Variants in LOXL2 observed in about 807,000 individuals in gnomAD.
LOXL2 encodes lysyl oxidase like 2.
In LOXL2, 70 loss-of-function variants were observed where a neutral mutation model predicts 93.0. That is an observed-to-expected ratio of 0.75 (90% CI 0.62 to 0.92). The LOEUF is 0.92. Ranked by LOEUF, LOXL2 falls within the 40% of genes least tolerant of loss-of-function variation. The probability of loss-of-function intolerance (pLI) is 0.00; values close to 1 mark genes in which losing one functional copy is unlikely to be tolerated. For synonymous variants in LOXL2, 438 were observed against 413.2 expected, an observed-to-expected ratio of 1.06 and a Z score of -0.73; for missense variants, 973 against 1,054.9, an observed-to-expected ratio of 0.92 and a Z score of 1.08.
intron 3 of LOXL2, among the ~76,000 whole-genome samples, chr8:23,343,133 T>C (rs1472969518): frequency 6.6e-6 from 1 of 152,224 alleles, no homozygotes; most frequent in African/African-American, 2.4e-5. Flanking sequence ...CAAGATGCTC[T>C]CGGCCATTCA....
intron 6 of LOXL2, among the ~76,000 whole-genome samples, chr8:23,327,039 T>C (rs1803590837): frequency 6.6e-6 from 1 of 152,196 alleles, no homozygotes; most frequent in African/African-American, 2.4e-5. Flanking sequence ...GACCTCAGAC[T>C]TGTTCTCCTC....
intron 9 of LOXL2, among the ~76,000 whole-genome samples, chr8:23,313,860 A>G (rs996274244): frequency 6.6e-6 from 1 of 151,600 alleles, no homozygotes; most frequent in East Asian, 1.9e-4. Context: ...TGAACAGGCA[A>G]CCTACAAAAT....
At chr8:23,340,070 C>T (rs1803856101) in intron 4 of LOXL2, among the ~76,000 whole-genome samples, 1 of 152,252 alleles carries the variant, frequency 6.6e-6, no homozygotes, top group African/African-American at 2.4e-5. Context: ...GAGTCTGCAC[C>T]CTCTAAGAGT....
intron 1 of LOXL2, among the ~76,000 whole-genome samples, chr8:23,394,926 C>G (rs997771255): frequency 6.6e-6 from 1 of 152,010 alleles, no homozygotes; most frequent in African/African-American, 2.4e-5. Context: ...TATTATTCGG[C>G]CATAAAAAGT....
In LOXL2 at chr8:23,389,197, GGTCCTTTTCTTAGT is replaced by G. The variant is rs368547644; in HGVS notation, c.-84+14743_-84+14756del. Among the ~76,000 whole-genome samples the G allele has an allele frequency of 5.2e-4, 79 of 152,138 alleles. 1 individual carries two copies. Among genetic ancestry groups the G allele is most frequent in the African/African-American group, 1.9e-3 (79 of 41,484 alleles). On this transcript the variant is annotated intron_variant, in intron 1 of 13. Transcript: ENST00000389131. ...GAAAATGTAAAACTGGCCTTTCTAG[GGTCCTTTTCTTAGT>G]GTCCTTTTCTTAGGCTACTACCTTG...
At chr8:23,306,055 C>A (rs7831368) in intron 10 of LOXL2, among the ~76,000 whole-genome samples, 2,317 of 152,262 alleles carry the variant, frequency 0.015, 60 homozygotes, top group African/African-American at 0.053. Context: ...AAGTGATCCA[C>A]TCGCCTCCGT....
chr8:23,323,203 G>C (rs1387993242), intron 6 of LOXL2, among the ~76,000 whole-genome samples: 1 of 152,214 alleles, frequency 6.6e-6, no homozygotes, highest in Non-Finnish European at 1.5e-5. Flanking sequence ...AAGCATCGAA[G>C]GACTAGCATG....
At chr8:23,385,418 T>A (rs1271789683) in intron 1 of LOXL2, among the ~76,000 whole-genome samples, 2 of 150,258 alleles carry the variant, frequency 1.3e-5, no homozygotes, top group Non-Finnish European at 3.0e-5. Context: ...AGCTAATTTT[T>A]TTTTTTTTTT....
rs772997430 is a variant in LOXL2, at chr8:23,298,878, G to C, written c.2203C>G (p.Arg735Gly). Reference protein sequence around the residue: ...YSNNIMKCRSRYDGHRIWMYN... With the variant: ...YSNNIMKCRSGYDGHRIWMYN... Reference sequence around the variant, plus strand: ...ATCCAGATGCGGTGGCCGTCATAGCGGCTCCTGCATTTCATGATGTTGTTG... The same window carrying C: ...ATCCAGATGCGGTGGCCGTCATAGCCGCTCCTGCATTTCATGATGTTGTTG... The change falls in exon 13 of 14, where the codon CGC becomes GGC. Residue 735 changes from arginine (R) to glycine (G), a missense_variant. Arg to Gly is a moderately radical substitution (Grantham distance 125). Coordinates refer to ENST00000389131, the MANE Select transcript of LOXL2 (RefSeq NM_002318.3). 3 of 1,613,992 alleles carry C rather than the reference G, an allele frequency of 1.9e-6. No individual in the cohort carries two copies. The highest frequency in any genetic ancestry group is 2.5e-6 in the Non-Finnish European group (3 of 1,179,928).
intron 10 of LOXL2, among the ~76,000 whole-genome samples, chr8:23,305,960 G>A (rs1378411234): frequency 2.0e-5 from 3 of 151,872 alleles, no homozygotes; most frequent in African/African-American, 7.3e-5. Context: ...TACAGAGCAC[G>A]CCACCATGCC....
intron 1 of LOXL2, among the ~76,000 whole-genome samples, chr8:23,401,234 G>A (rs1280963396): frequency 2.0e-5 from 3 of 152,104 alleles, no homozygotes; most frequent in Admixed American, 2.0e-4. Flanking sequence ...ATGACATAGT[G>A]GACAGAAAAG....
At position 23,355,704 on chromosome 8, in the gene LOXL2, C is replaced by T. The variant is rs556026462; in HGVS notation, c.531+4386G>A. 8.6e-5 allele frequency among the ~76,000 whole-genome samples: 13 copies of T among 150,880 alleles called. No homozygotes were observed. In the East Asian group the frequency reaches 1.6e-3, roughly 18 times the overall value. ...GGCTCACTGCAGCCTCCACTTCCTA[C>T]GGTCAATCAATCCTTCCACCTCAGC... On this transcript the variant is annotated intron_variant, in intron 3 of 13. Coordinates refer to ENST00000389131, the MANE Select transcript of LOXL2 (RefSeq NM_002318.3).
chr8:23,355,637 C>T (rs1363502786), intron 3 of LOXL2, among the ~76,000 whole-genome samples: 2 of 143,592 alleles, frequency 1.4e-5, no homozygotes, highest in Admixed American at 7.2e-5. Context: ...GACAGGGTCT[C>T]GCCCTGTTGT....
intron 1 of LOXL2, among the ~76,000 whole-genome samples, chr8:23,390,540 T>C (rs1181931915): frequency 6.6e-6 from 1 of 152,200 alleles, no homozygotes; most frequent in Admixed American, 6.5e-5. Flanking sequence ...GTTGGCATAA[T>C]TTGTTGTGAC....
In LOXL2 at chr8:23,394,074, T is replaced by C. The variant is rs1231945788; in HGVS notation, c.-84+9880A>G. Among the ~76,000 whole-genome samples the C allele has an allele frequency of 2.0e-5, 3 of 152,122 alleles. No homozygotes were observed. The East Asian group carries it at 5.8e-4, about 29-fold the overall frequency. On this transcript the variant is annotated intron_variant, in intron 1 of 13. Coordinates refer to ENST00000389131, the MANE Select transcript of LOXL2 (RefSeq NM_002318.3). The stretch of plus-strand genomic sequence containing the variant: ...GTCTAGAATTCAGAATATGTAAAAA[T>C]TGTTTATAATTTAACAATAAAAAGA...
chr8:23,309,567 C>A, intron 10 of LOXL2, 101 bp downstream of exon 10: 1 of 1,274,366 alleles, frequency 7.8e-7, no homozygotes, highest in Non-Finnish European at 1.0e-6. Context: ...GGCCATGCAG[C>A]CTCTTGGCTC....
intron 3 of LOXL2, among the ~76,000 whole-genome samples, chr8:23,357,733 C>T (rs10105777): frequency 0.17 from 25,629 of 151,814 alleles, 3,257 homozygotes; most frequent in African/African-American, 0.36. Flanking sequence ...GTAGATTATC[C>T]TGAGGTTCAG....
chr8:23,317,222 T>G (rs1001557890), intron 8 of LOXL2, 108 bp from the exon 9 acceptor site: 1 of 1,289,822 alleles, frequency 7.8e-7, no homozygotes, highest in Non-Finnish European at 1.1e-6. Flanking sequence ...CATGATCCCA[T>G]TTTTCAGATC....
At chr8:23,368,785 C>T (rs1315109383) in intron 1 of LOXL2, among the ~76,000 whole-genome samples, 1 of 152,142 alleles carries the variant, frequency 6.6e-6, no homozygotes, top group African/African-American at 2.4e-5. Flanking sequence ...TCAGAGGGGG[C>T]TGTGACCACC....
Sources: allele counts gnomAD v4.1 joint callset (sites outside exome capture counted in the v4.1 genomes callset), GRCh38; gene constraint gnomAD v4.1.1; transcripts MANE v1.5; gene names NCBI Gene and HGNC (gene_info 2026-07-23, HGNC 2026-07-21).